Variants in HDDC2 observed in about 807,000 individuals in gnomAD.
HDDC2 encodes the protein HD domain containing 2, also known as 5'-deoxynucleotidase HDDC2.
In HDDC2, 25 loss-of-function variants were observed where a neutral mutation model predicts 25.5. The observed-to-expected ratio is 0.98, with a 90% CI of 0.72 to 1.37. HDDC2 has a LOEUF of 1.37. Among genes scored for constraint, HDDC2 ranks in the 40% most tolerant of loss-of-function variants. HDDC2 has a pLI of 0.00. For synonymous variants in HDDC2, 106 were observed against 89.7 expected (o/e 1.18, Z -1.03); for missense variants, 264 against 253.1 (o/e 1.04, Z -0.29).
rs139565275 is a variant in HDDC2, at chr6:125,294,972, G to C, written c.310-2063C>G. Among the ~76,000 whole-genome samples, 987 of 152,300 alleles carry C rather than the reference G, an allele frequency of 6.5e-3. 9 individuals are homozygous for C. The highest frequency in any genetic ancestry group is 0.048 in the South Asian group (231 of 4,818). Reference sequence around the variant, plus strand: ...ACTGAACTATGATTTTCTGAATCTAGGCTGATTGATATTTGTTAATCACAC... The same window carrying C: ...ACTGAACTATGATTTTCTGAATCTACGCTGATTGATATTTGTTAATCACAC... On this transcript the variant is annotated intron_variant, in intron 3 of 5. Transcript: ENST00000398153.
At chr6:125,300,480 CG>C in intron 2 of HDDC2, 57 bp downstream of exon 2, 1 of 1,561,312 alleles carries the variant, frequency 6.4e-7, no homozygotes, top group Non-Finnish European at 8.6e-7. Context: ...GTAGTAAAAA[CG>C]GGTGCACACC....
chr6:125,280,440 G>T (rs946425344), intron 4 of HDDC2, among the ~76,000 whole-genome samples: 1 of 152,180 alleles, frequency 6.6e-6, no homozygotes, highest in Admixed American at 6.5e-5. Context: ...AAGTGGTCTT[G>T]ATCAGTGGAT....
At chr6:125,293,208 G>A in intron 3 of HDDC2, 1 of 449,478 alleles carries the variant, frequency 2.2e-6, no homozygotes. Context: ...AATATCAGAG[G>A]TGTTCAAGGA....
Position 125,286,717 on chromosome 6 carries a change from G to A in HDDC2, c.378+6124C>T, listed in dbSNP as rs1176947923. Among the ~76,000 whole-genome samples the A allele has an allele frequency of 2.0e-5, 3 of 152,204 alleles. No individual in the cohort carries two copies. The South Asian group carries it at 6.2e-4, about 32-fold the overall frequency. On this transcript the variant is annotated intron_variant, in intron 4 of 5. Coordinates refer to ENST00000398153, the MANE Select transcript of HDDC2 (RefSeq NM_016063.3). Reference sequence around the variant, plus strand: ...AATAAACAAACAAAAAACAAAACAGGAGGTCAGGGTGGAACATGTTCAAGA... The same window carrying A: ...AATAAACAAACAAAAAACAAAACAGAAGGTCAGGGTGGAACATGTTCAAGA...
chr6:125,298,709 C>T lies in HDDC2; in HGVS notation c.309+5G>A, dbSNP rs1182004088. 1 of 1,610,352 alleles carries T rather than the reference C, an allele frequency of 6.2e-7. No individual in the cohort carries two copies. Among genetic ancestry groups the T allele is most frequent in the Admixed American group, 1.7e-5 (1 of 60,000 alleles). On this transcript the variant is annotated splice_donor_5th_base_variant and intron_variant, in intron 3 of 5. Transcript: ENST00000398153. ...TTTTTTGCACAGTCAATAGTCAACACTGACCTCTTCTCGCCTATGTTTTTC... is the reference window on the plus strand; with the variant it reads ...TTTTTTGCACAGTCAATAGTCAACATTGACCTCTTCTCGCCTATGTTTTTC...
intron 3 of HDDC2, among the ~76,000 whole-genome samples, chr6:125,298,262 A>C (rs1798735803): frequency 1.3e-5 from 2 of 152,194 alleles, no homozygotes; most frequent in African/African-American, 4.8e-5. Flanking sequence ...AAAATAAAAT[A>C]AAATAAAAAT....
intron 4 of HDDC2, among the ~76,000 whole-genome samples, chr6:125,282,124 T>C (rs1798468042): frequency 6.6e-6 from 1 of 152,070 alleles, no homozygotes; most frequent in African/African-American, 2.4e-5. Flanking sequence ...GGCGGGCAGA[T>C]CATCTGAGGT....
At chr6:125,282,502 G>A (rs1212654350) in intron 4 of HDDC2, among the ~76,000 whole-genome samples, 1 of 152,140 alleles carries the variant, frequency 6.6e-6, no homozygotes, top group Non-Finnish European at 1.5e-5. Flanking sequence ...CCTTACAAGA[G>A]CTCCTGAAGG....
chr6:125,294,878 CT>C (rs1296888173), intron 3 of HDDC2, among the ~76,000 whole-genome samples: 1 of 152,190 alleles, frequency 6.6e-6, no homozygotes, highest in African/African-American at 2.4e-5. Context: ...TAATAGGCTT[CT>C]TTTTGTTCAA....
At chr6:125,295,694 A>T (rs1798697409) in intron 3 of HDDC2, among the ~76,000 whole-genome samples, 1 of 152,086 alleles carries the variant, frequency 6.6e-6, no homozygotes, top group South Asian at 2.1e-4. Flanking sequence ...ATAAAGTTCC[A>T]TTCTCTTTGT....
At chr6:125,300,492 C>T (rs754512478) in intron 2 of HDDC2, 46 bp downstream of exon 2, 1 of 1,600,122 alleles carries the variant, frequency 6.2e-7, no homozygotes, top group Non-Finnish European at 8.5e-7. Context: ...GGTGCACACC[C>T]ATAGACCAGA....
chr6:125,280,896 T>C (rs112127137), intron 4 of HDDC2, among the ~76,000 whole-genome samples: 10,950 of 152,298 alleles, frequency 0.072, 1,033 homozygotes, highest in African/African-American at 0.21. Context: ...CTGACCTCCA[T>C]GCTTCCTGAC....
rs967490345 is a variant in HDDC2 at position 125,297,997 on chromosome 6, C to T, written c.309+717G>A. Among the ~76,000 whole-genome samples the T allele has an allele frequency of 4.6e-5, 7 of 152,162 alleles. No homozygotes were observed. In the East Asian group the frequency reaches 9.7e-4, roughly 21 times the overall value. The stretch of plus-strand genomic sequence containing the variant: ...CTAAATAATAATTACAATAATGATT[C>T]GATTTGTGATTTATAGAACTTCTCT... On this transcript the variant is annotated intron_variant, in intron 3 of 5. Coordinates refer to ENST00000398153, the MANE Select transcript of HDDC2 (RefSeq NM_016063.3).
chr6:125,277,078 C>G (rs1461071909), intron 5 of HDDC2, 24 bp downstream of exon 5: 5 of 1,613,194 alleles, frequency 3.1e-6, no homozygotes, highest in Admixed American at 1.7e-5. Flanking sequence ...AAAATGGACT[C>G]TTGTTGAAAA....
Position 125,301,888 on chromosome 6 carries a change from C to T in HDDC2, c.45G>A (p.Arg15=). 6.4e-7 allele frequency: 1 copy of T among 1,551,556 alleles called. No homozygotes were observed. Among genetic ancestry groups the T allele is most frequent in the Non-Finnish European group, 8.7e-7 (1 of 1,149,398 alleles). Residue 15 remains arginine, a synonymous_variant, in exon 1 of 6, where the codon CGG becomes CGA. Transcript: ENST00000398153. ...CCAGCCGCAGGAACTGCAGTAGGGA[C>T]CGAGCCCCGTGGCCCGAGAAGGTCG... ...SSATFSGHGA[R]SLLQFLRLVG...
At chr6:125,277,574 A>C (rs1185951434) in intron 4 of HDDC2, 1 of 206,594 alleles carries the variant, frequency 4.8e-6, no homozygotes, top group Non-Finnish European at 9.5e-6. Context: ...AATCTACCTA[A>C]GTAGTTTAGA....
At chr6:125,293,278 G>GC in intron 3 of HDDC2, 1 of 292,334 alleles carries the variant, frequency 3.4e-6, no homozygotes, top group South Asian at 3.8e-5. Context: ...AAGCATATGA[G>GC]AGTTCAAAAC....
At chr6:125,301,462 C>A in intron 1 of HDDC2, among the ~76,000 whole-genome samples, 1 of 141,670 alleles carries the variant, frequency 7.1e-6, no homozygotes, top group South Asian at 2.2e-4. Context: ...CACACACACA[C>A]ACGAGTTCTG....
chr6:125,300,468 CAGTAGTAA>C, intron 2 of HDDC2, 62 bp downstream of exon 2: 1 of 1,540,142 alleles, frequency 6.5e-7, no homozygotes, highest in African/African-American at 1.4e-5. Flanking sequence ...ACATGGGTCT[CAGTAGTAA>C]AAACGGGTGC....
Sources: gnomAD v4.1 joint callset for allele counts (sites outside exome capture counted in the v4.1 genomes callset) on GRCh38, gnomAD v4.1.1 for gene constraint, MANE v1.5 for transcripts, NCBI Gene and HGNC (gene_info 2026-07-23, HGNC 2026-07-21) for gene names.